Variants in PTPN1 observed in about 807,000 individuals in gnomAD.
The protein encoded by PTPN1 is tyrosine-protein phosphatase non-receptor type 1.
In PTPN1, 12 loss-of-function variants were observed where a neutral mutation model predicts 59.9. The observed-to-expected ratio is 0.20, with a 90% confidence interval of 0.13 to 0.32. The LOEUF (loss-of-function observed/expected upper bound fraction) is 0.32. Among genes scored for constraint, PTPN1 ranks in the 10% least tolerant of loss-of-function variants. The probability of loss-of-function intolerance (pLI) is 1.00; values close to 1 mark genes in which losing one functional copy is unlikely to be tolerated. For synonymous variants in PTPN1, 178 were observed against 203.6 expected, an observed-to-expected ratio of 0.87 and a Z score of 1.07; for missense variants, 356 against 549.2, an observed-to-expected ratio of 0.65 and a Z score of 3.52.
At chr20:50,546,269 G>A (rs190139319) in intron 1 of PTPN1, among the ~76,000 whole-genome samples, 225 of 152,242 alleles carry the variant, frequency 1.5e-3, no homozygotes, top group African/African-American at 5.0e-3. Flanking sequence ...ATGCTCAGTC[G>A]ATATTTGGAT....
At position 50,578,608 on chromosome 20, in the gene PTPN1, G is replaced by A; in HGVS notation, c.681G>A (p.Leu227=). 6.2e-7 allele frequency: 1 copy of A among 1,613,884 alleles called. No homozygotes were observed. The highest frequency in any genetic ancestry group is 8.5e-7 in the Non-Finnish European group (1 of 1,179,796). The part of the protein sequence containing the change: ...AGIGRSGTFC[L]ADTCLLLMDK... Reference sequence around the variant, plus strand: ...TCGGCAGGTCTGGAACCTTCTGTCTGGCTGATACCTGCCTCTTGCTGGTAA... The same window carrying A: ...TCGGCAGGTCTGGAACCTTCTGTCTAGCTGATACCTGCCTCTTGCTGGTAA... Residue 227 remains leucine (L), a synonymous_variant, in exon 6 of 10, where the codon CTG becomes CTA. Transcript: ENST00000371621.
At position 50,583,062 on chromosome 20, in the gene PTPN1, C is replaced by T. The variant is rs768330749; in HGVS notation, c.*347C>T. ...CCTGGAGCATCCCAGGCGGGCGGCA[C>T]GCCAACAGCCCCCCCCTTGAATCTG... is the stretch of plus-strand genomic sequence containing the variant. On this transcript the variant is annotated 3_prime_UTR_variant, in exon 10 of 10. Coordinates refer to ENST00000371621, the MANE Select transcript of PTPN1 (RefSeq NM_002827.4). 120 of 315,796 alleles carry T rather than the reference C, an allele frequency of 3.8e-4. No homozygotes were observed. The highest frequency in any genetic ancestry group is 5.8e-4 in the Admixed American group (13 of 22,270). The allele number at this position is 315,796 out of a possible 1,614,324, so 19.6% of individuals were successfully genotyped here. A position where few individuals can be genotyped will look rare whatever the true frequency, so the allele number is the denominator to read the frequency against.
intron 2 of PTPN1, among the ~76,000 whole-genome samples, chr20:50,563,436 CAAATGAAA>C (rs2082762573): frequency 6.6e-6 from 1 of 152,136 alleles, no homozygotes; most frequent in East Asian, 1.9e-4. Context: ...TACCATTTAG[CAAATGAAA>C]AAACCAAGGC....
Position 50,511,766 on chromosome 20 carries a change from A to C in PTPN1, c.63+1176A>C, listed in dbSNP as rs567642472. Among the ~76,000 whole-genome samples, 26 of 152,380 alleles carry C rather than the reference A, an allele frequency of 1.7e-4. No individual in the cohort carries two copies. The South Asian group carries it at 5.0e-3, about 29-fold the overall frequency. Reference sequence around the variant, plus strand: ...TAAGATTAACTAAAACCACACTTGCACAGTATCTTAAATAAGCGATATACA... The same window carrying C: ...TAAGATTAACTAAAACCACACTTGCCCAGTATCTTAAATAAGCGATATACA... On this transcript the variant is annotated intron_variant, in intron 1 of 9. Transcript: ENST00000371621.
Position 50,584,240 on chromosome 20 carries a change from C to CGAGGTGTCACCCTGCAGAGCTATGGT in PTPN1, c.*1533_*1558dup, listed in dbSNP as rs1444626390. The CGAGGTGTCACCCTGCAGAGCTATGGT allele has an allele frequency of 3.6e-4, 55 of 152,602 alleles. 1 individual carries two copies. The highest frequency in any genetic ancestry group is 3.6e-3 in the Admixed American group (55 of 15,276). 9.5% of individuals were successfully genotyped at this position (152,602 alleles called of 1,614,324 possible). On this transcript the variant is annotated 3_prime_UTR_variant, in exon 10 of 10. Coordinates refer to ENST00000371621, the MANE Select transcript of PTPN1 (RefSeq NM_002827.4). ...AGAGAAATTCTGTGGTGGGAACATT[C>CGAGGTGTCACCCTGCAGAGCTATGGT]GAGGTGTCACCCTGCAGAGCTATGG...
rs759051460 is a variant in PTPN1, at chr20:50,574,668, ACACTTCAG to A, written c.492+23_492+30del. ...GAAAACCTTACAGTGAGTATAGCAC[ACACTTCAG>A]CACTTCAGGCGGCTACTGGTTCACA... is the stretch of plus-strand genomic sequence containing the variant. On this transcript the variant is annotated intron_variant, in intron 5 of 9. Transcript: ENST00000371621. The A allele has an allele frequency of 6.3e-6, 10 of 1,591,686 alleles. 1 individual carries two copies. In the South Asian group the frequency reaches 1.2e-4, roughly 18 times the overall value.
rs921713746 is a variant in PTPN1, at chr20:50,583,852, AC to A, written c.*1143del. On this transcript the variant is annotated 3_prime_UTR_variant, in exon 10 of 10. Coordinates refer to ENST00000371621, the MANE Select transcript of PTPN1 (RefSeq NM_002827.4). ...GGACATGATTTAGGGAAGCAGGGAC[AC>A]CCCCCGCCCCCCACCTTTGGGATCA... is the stretch of plus-strand genomic sequence containing the variant. 4 of 152,084 alleles carry A rather than the reference AC, an allele frequency of 2.6e-5. No homozygotes were observed. The highest frequency in any genetic ancestry group is 4.9e-5 in the African/African-American group (2 of 41,116). The allele number at this position is 152,084 out of a possible 1,614,324, so 9.4% of individuals were successfully genotyped here.
intron 1 of PTPN1, among the ~76,000 whole-genome samples, chr20:50,530,918 A>G (rs1568777953): frequency 6.6e-6 from 1 of 151,878 alleles, no homozygotes; most frequent in Non-Finnish European, 1.5e-5. Flanking sequence ...TGCCCAGGCT[A>G]GTCTACAACT....
chr20:50,532,096 A>G (rs549425217), intron 1 of PTPN1, among the ~76,000 whole-genome samples: 6 of 152,222 alleles, frequency 3.9e-5, no homozygotes, highest in African/African-American at 7.2e-5. Flanking sequence ...TCTGTAACCT[A>G]CCAATGCCAG....
At chr20:50,576,505 G>A (rs1174882377) in intron 5 of PTPN1, among the ~76,000 whole-genome samples, 4 of 152,080 alleles carry the variant, frequency 2.6e-5, no homozygotes, top group Non-Finnish European at 4.4e-5. Context: ...GTCAGTGGGC[G>A]GTAACCCACA....
At chr20:50,575,662 G>A (rs796837620) in intron 5 of PTPN1, among the ~76,000 whole-genome samples, 9 of 152,304 alleles carry the variant, frequency 5.9e-5, no homozygotes, top group African/African-American at 1.7e-4. Context: ...GGTGGCTCAC[G>A]TCTTTAATCC....
At chr20:50,558,239 G>C (rs959983284) in intron 1 of PTPN1, among the ~76,000 whole-genome samples, 5 of 152,100 alleles carry the variant, frequency 3.3e-5, no homozygotes, top group Non-Finnish European at 4.4e-5. Flanking sequence ...AGATCAGTGA[G>C]TGCTGTCCAG....
intron 1 of PTPN1, 151 bp downstream of exon 1, chr20:50,510,741 CCCCA>C: frequency 1.1e-6 from 1 of 880,492 alleles, no homozygotes; most frequent in South Asian, 2.0e-5. Context: ...CACTGCGTCC[CCCCA>C]CCCTTTGTCC....
At chr20:50,555,752 G>C (rs1300382859) in intron 1 of PTPN1, among the ~76,000 whole-genome samples, 2 of 149,874 alleles carry the variant, frequency 1.3e-5, no homozygotes, top group Non-Finnish European at 3.0e-5. Flanking sequence ...CTGTCTCTCA[G>C]GCATGCACAC....
rs779518327 is a variant in PTPN1, at chr20:50,582,795, G to C, written c.*80G>C. On this transcript the variant is annotated 3_prime_UTR_variant, in exon 10 of 10. Coordinates refer to ENST00000371621, the MANE Select transcript of PTPN1 (RefSeq NM_002827.4). This position sits in a 1 kb window ranked among gnomAD's most constrained non-coding sequence, Gnocchi z 4.2. ...CACGCCCGACTAGCAGGCATGCCGC[G>C]GTAGGTAAGGGCCGCCGGACCGCGT... 19 of 1,567,358 alleles carry C rather than the reference G, an allele frequency of 1.2e-5. No homozygotes were observed. In the African/African-American group the frequency reaches 2.4e-4, roughly 20 times the overall value.
chr20:50,535,729 A>G (rs2082621673), intron 1 of PTPN1, among the ~76,000 whole-genome samples: 1 of 152,138 alleles, frequency 6.6e-6, no homozygotes, highest in Admixed American at 6.5e-5. Flanking sequence ...CTTTCTTTTT[A>G]GCTAGAATGT....
rs928663037 is a variant in PTPN1, at chr20:50,568,546, C to G, written c.354+68C>G. On this transcript the variant is annotated intron_variant, in intron 4 of 9. Transcript: ENST00000371621. This position sits in a 1 kb window ranked among gnomAD's most constrained non-coding sequence, Gnocchi z 5.6. ...CACTCCATATAGTTACCATTTTCGT[C>G]CAGATTTTTAAATTATTTTTCTTGC... is the stretch of plus-strand genomic sequence containing the variant. 1 of 1,284,340 alleles carries G rather than the reference C, an allele frequency of 7.8e-7. No individual in the cohort carries two copies. The highest frequency in any genetic ancestry group is 1.1e-6 in the Non-Finnish European group (1 of 890,704). 79.6% of individuals were successfully genotyped at this position (1,284,340 alleles called of 1,614,324 possible). A position where few individuals can be genotyped will look rare whatever the true frequency, so the allele number is the denominator to read the frequency against.
At chr20:50,529,941 C>G (rs1380900291) in intron 1 of PTPN1, among the ~76,000 whole-genome samples, 1 of 152,120 alleles carries the variant, frequency 6.6e-6, no homozygotes, top group Non-Finnish European at 1.5e-5. Context: ...GTGGCTCAAT[C>G]TCGGCTCAGT....
chr20:50,549,065 C>A (rs1265479437), intron 1 of PTPN1, among the ~76,000 whole-genome samples: 1 of 152,178 alleles, frequency 6.6e-6, no homozygotes, highest in Non-Finnish European at 1.5e-5. Context: ...CAATAAATTG[C>A]ATATGGAATG....
Sources: allele counts gnomAD v4.1 joint callset (sites outside exome capture counted in the v4.1 genomes callset), GRCh38; gene constraint gnomAD v4.1.1; non-coding constraint Gnocchi (gnomAD v3.1); transcripts MANE v1.5; gene names NCBI Gene and HGNC (gene_info 2026-07-23, HGNC 2026-07-21).